The following POFUT4 variants were observed in gnomAD, a reference collection of about 807,000 sequenced individuals.
POFUT4 encodes the protein GDP-fucose protein O-fucosyltransferase 4.
chr10:73,777,375 CTAA>C, the POFUT4 span, among the ~76,000 whole-genome samples: 37 of 150,648 alleles, frequency 2.5e-4, no homozygotes, highest in South Asian at 7.6e-3. Flanking sequence ...TTTTGTTTGC[CTAA>C]TGAAGTGTTC....
the POFUT4 span, chr10:73,773,020 C>G: frequency 6.3e-7 from 1 of 1,578,010 alleles, no homozygotes; most frequent in Non-Finnish European, 8.6e-7. Context: ...GCTACGTGCG[C>G]GAGCTCATGC....
the POFUT4 span, chr10:73,772,731 C>G: frequency 1.3e-6 from 2 of 1,594,790 alleles, no homozygotes; most frequent in Admixed American, 1.7e-5. Context: ...TCGGCCGCCC[C>G]GCTGCCGCGC....
chr10:73,775,824 A>G, the POFUT4 span: 1 of 905,542 alleles, frequency 1.1e-6, no homozygotes, highest in Non-Finnish European at 1.7e-6. Flanking sequence ...TTATCTATTA[A>G]GATTTTATCT....
At chr10:73,775,693 T>C in the POFUT4 span, 1 of 1,614,070 alleles carries the variant, frequency 6.2e-7, no homozygotes. Context: ...TAAGTGCCCT[T>C]GCAAGAGCCT....
chr10:73,775,135 C>A, the POFUT4 span: 1 of 443,728 alleles, frequency 2.3e-6, no homozygotes. Flanking sequence ...CTGGATGCTA[C>A]TTCATTTTGA....
the POFUT4 span, chr10:73,775,440 C>G: frequency 6.2e-7 from 1 of 1,612,856 alleles, no homozygotes; most frequent in African/African-American, 1.3e-5. Flanking sequence ...AAGTTAGAGA[C>G]CACTGTATCT....
At chr10:73,772,350 T>C in the POFUT4 span, 7 of 1,476,118 alleles carry the variant, frequency 4.7e-6, no homozygotes, top group South Asian at 8.4e-5. Context: ...GCCGGCCCCA[T>C]TAGGGTGGTG....
chr10:73,772,287 G>A, the POFUT4 span: 15 of 1,371,922 alleles, frequency 1.1e-5, no homozygotes, highest in East Asian at 4.4e-4. Context: ...ACTATCCGCT[G>A]GGCGGGGTCG....
At chr10:73,772,481 C>T in the POFUT4 span, 40 of 1,550,738 alleles carry the variant, frequency 2.6e-5, no homozygotes, top group Non-Finnish European at 3.2e-5. Context: ...TTTCCGGCCG[C>T]CCTCGGCGCT....
the POFUT4 span, chr10:73,772,329 T>A: frequency 7.0e-7 from 1 of 1,438,616 alleles, no homozygotes. Flanking sequence ...GCTGCCGGAG[T>A]GGACATGGCG....
At chr10:73,777,621 C>T in the POFUT4 span, among the ~76,000 whole-genome samples, 11 of 148,934 alleles carry the variant, frequency 7.4e-5, no homozygotes, top group Non-Finnish European at 1.5e-4. Context: ...GTGGCGCGAT[C>T]TCAGCTTACT....
At chr10:73,772,304 G>C in the POFUT4 span, 23 of 1,408,780 alleles carry the variant, frequency 1.6e-5, no homozygotes, top group Non-Finnish European at 2.0e-5. Flanking sequence ...GTCGGTGCTG[G>C]CCGAGGGGGC....
At chr10:73,775,249 T>A in the POFUT4 span, 1 of 630,824 alleles carries the variant, frequency 1.6e-6, no homozygotes, top group Non-Finnish European at 2.8e-6. Flanking sequence ...ACTTCCAGTC[T>A]GGCCTCTGCT....
the POFUT4 span, among the ~76,000 whole-genome samples, chr10:73,778,458 G>A: frequency 6.6e-6 from 1 of 151,510 alleles, no homozygotes; most frequent in African/African-American, 2.4e-5. Flanking sequence ...TGTTGCTGTG[G>A]TTTGAACATA....
chr10:73,773,401 G>A, the POFUT4 span: 29 of 1,614,204 alleles, frequency 1.8e-5, no homozygotes, highest in Non-Finnish European at 2.5e-5. Context: ...GTGTACCGCG[G>A]TTCTCCCTCT....
At chr10:73,779,924 C>A in the POFUT4 span, 212 of 152,318 alleles carry the variant, frequency 1.4e-3, no homozygotes, top group African/African-American at 5.0e-3. Flanking sequence ...TTATTCCTAT[C>A]ACCATATACG....
chr10:73,775,623 ACAGAG>A, the POFUT4 span: 4 of 1,614,126 alleles, frequency 2.5e-6, no homozygotes, highest in Non-Finnish European at 3.4e-6. Flanking sequence ...CAACAATGAA[ACAGAG>A]CAGACGAAAT....
the POFUT4 span, chr10:73,774,466 G>A: frequency 6.6e-6 from 1 of 152,012 alleles, no homozygotes; most frequent in Non-Finnish European, 1.5e-5. Context: ...GAACACTTGA[G>A]GCCAGAGACA....
chr10:73,774,180 C>G, the POFUT4 span: 1 of 187,218 alleles, frequency 5.3e-6, no homozygotes, highest in Non-Finnish European at 1.1e-5. Flanking sequence ...TTGCACTGCA[C>G]TAAAAATCAA....
Sources: allele counts gnomAD v4.1 joint callset (sites outside exome capture counted in the v4.1 genomes callset), GRCh38; gene constraint gnomAD v4.1.1; transcripts MANE v1.5; gene names NCBI Gene and HGNC (gene_info 2026-07-23, HGNC 2026-07-21).